Variants in DIAPH2 observed in about 807,000 individuals in gnomAD.
DIAPH2 encodes the protein protein diaphanous homolog 2.
Under a neutral mutation model 92.7 loss-of-function variants are expected in DIAPH2, and 35 were observed. The ratio of observed to expected loss-of-function variants is 0.38; its 90% confidence interval spans 0.29 to 0.50. The LOEUF (loss-of-function observed/expected upper bound fraction) is 0.50. Among genes scored for constraint, DIAPH2 ranks in the 20% least tolerant of loss-of-function variants. DIAPH2 has a pLI of 0.94. For synonymous variants in DIAPH2, 301 were observed against 280.4 expected (o/e 1.07, Z -0.73); for missense variants, 701 against 819.5 (o/e 0.86, Z 1.77).
chrX:97,586,140 A>T (rs889797466), intron 26 of DIAPH2, among the ~76,000 whole-genome samples: 5 of 111,605 alleles, frequency 4.5e-5, no homozygotes, highest in African/African-American at 1.6e-4. Flanking sequence ...CACTCTTTTC[A>T]GGCCTCTCCC....
chrX:97,242,781 TTTTA>T (rs1050133443), intron 22 of DIAPH2, among the ~76,000 whole-genome samples: 1 of 109,956 alleles, frequency 9.1e-6, no homozygotes, highest in Non-Finnish European at 1.9e-5. Context: ...TTTTATTTTA[TTTTA>T]TTTATTTATT....
At chrX:97,559,483 C>T (rs760610257) in intron 26 of DIAPH2, among the ~76,000 whole-genome samples, 6 of 99,533 alleles carry the variant, frequency 6.0e-5, no homozygotes, top group African/African-American at 1.6e-4. Flanking sequence ...AGTGAGACTC[C>T]GTCTCAAAAA....
intron 5 of DIAPH2, among the ~76,000 whole-genome samples, chrX:96,906,137 A>G (rs1011659818): frequency 1.7e-4 from 19 of 112,330 alleles, no homozygotes; most frequent in Admixed American, 1.5e-3. Flanking sequence ...AAAAAACAAA[A>G]AAAAGAGGTA....
chrX:96,752,478 T>G (rs778994397), intron 3 of DIAPH2, among the ~76,000 whole-genome samples: 20 of 112,506 alleles, frequency 1.8e-4, no homozygotes, highest in South Asian at 3.6e-4. Flanking sequence ...TTAGAAGAGA[T>G]AGATTTATCA....
intron 23 of DIAPH2, among the ~76,000 whole-genome samples, chrX:97,310,746 C>A (rs187900531): frequency 9.0e-6 from 1 of 111,377 alleles, no homozygotes; most frequent in Non-Finnish European, 1.9e-5. Context: ...GGGTGGCTCG[C>A]GACTGTAATC....
intron 22 of DIAPH2, among the ~76,000 whole-genome samples, chrX:97,183,597 A>G (rs1438927998): frequency 8.9e-6 from 1 of 112,190 alleles, no homozygotes; most frequent in Non-Finnish European, 1.9e-5. Context: ...TAAAATTTTA[A>G]TATCACATGC....
chrX:96,962,957 C>T (rs2065874033), intron 16 of DIAPH2, among the ~76,000 whole-genome samples: 1 of 110,941 alleles, frequency 9.0e-6, no homozygotes, highest in African/African-American at 3.3e-5. Context: ...CTTTCATGTG[C>T]TTTCATGATA....
chrX:97,206,214 A>G (rs1162191573), intron 22 of DIAPH2, among the ~76,000 whole-genome samples: 2 of 111,534 alleles, frequency 1.8e-5, no homozygotes, highest in African/African-American at 3.3e-5. Context: ...TGCAGGGCAT[A>G]AAACCTAGAT....
chrX:96,991,944 C>T (rs5966836), intron 17 of DIAPH2, among the ~76,000 whole-genome samples: 1,354 of 110,964 alleles, frequency 0.012, 11 homozygotes, highest in Non-Finnish European at 0.02. Context: ...TCTGAAATAT[C>T]TAGCATGCAT....
chrX:97,594,498 C>T (rs2071538224), intron 26 of DIAPH2, among the ~76,000 whole-genome samples: 1 of 112,603 alleles, frequency 8.9e-6, no homozygotes, highest in Non-Finnish European at 1.9e-5. Flanking sequence ...GCTTGGGATG[C>T]AAATAGCTAC....
At chrX:97,139,464 A>C (rs1460993755) in intron 21 of DIAPH2, among the ~76,000 whole-genome samples, 1 of 108,204 alleles carries the variant, frequency 9.2e-6, no homozygotes, top group Non-Finnish European at 1.9e-5. Context: ...TTAAAAAAAA[A>C]CAACAAATAT....
intron 17 of DIAPH2, among the ~76,000 whole-genome samples, chrX:97,069,165 A>G (rs1343254246): frequency 2.7e-5 from 3 of 110,139 alleles, no homozygotes; most frequent in Non-Finnish European, 5.7e-5. Flanking sequence ...ATTTCACCAT[A>G]TTGGCCAGGC....
intron 22 of DIAPH2, among the ~76,000 whole-genome samples, chrX:97,227,238 C>T (rs2067972370): frequency 9.0e-6 from 1 of 111,164 alleles, no homozygotes; most frequent in Admixed American, 9.6e-5. Context: ...CACGCCACTG[C>T]ACTCCAGCCT....
chrX:96,761,918 A>C (rs1295932636), intron 4 of DIAPH2, among the ~76,000 whole-genome samples: 1 of 111,591 alleles, frequency 9.0e-6, no homozygotes, highest in Non-Finnish European at 1.9e-5. Context: ...TACTGAATGA[A>C]TATTTAAGAA....
chrX:97,466,991 A>C (rs2070518308), intron 26 of DIAPH2, among the ~76,000 whole-genome samples: 1 of 112,190 alleles, frequency 8.9e-6, no homozygotes, highest in Admixed American at 9.5e-5. Context: ...TTTTCTGTGG[A>C]TTACAATATC....
At chrX:97,275,651 G>A (rs1302081278) in intron 23 of DIAPH2, among the ~76,000 whole-genome samples, 2 of 108,211 alleles carry the variant, frequency 1.8e-5, no homozygotes, top group East Asian at 3.0e-4. Flanking sequence ...GGTTGCGGCC[G>A]GACAGAGGCG....
rs762496854 is a variant in DIAPH2 at position 97,341,358 on chromosome X, A to G, written c.2845-6758A>G. On this transcript the variant is annotated intron_variant, in intron 23 of 26. Coordinates refer to ENST00000324765, the MANE Select transcript of DIAPH2 (RefSeq NM_006729.5). ...GATTCTGTCTCTTAGAAAAAAATAA[A>G]AAGACTTATTTTCTTTAAACCGTAT... 5.4e-5 allele frequency: 6 copies of G among 111,095 alleles called. No homozygotes were observed. In the East Asian group the frequency reaches 1.7e-3, roughly 31 times the overall value. The allele number at this position is 111,095 out of a possible 1,213,427, so 9.2% of individuals were successfully genotyped here. A position where few individuals can be genotyped will look rare whatever the true frequency, so the allele number is the denominator to read the frequency against.
chrX:96,812,154 C>G (rs1407777034), intron 4 of DIAPH2, among the ~76,000 whole-genome samples: 2 of 111,322 alleles, frequency 1.8e-5, no homozygotes, highest in Admixed American at 9.5e-5. Context: ...TGATCCTGGA[C>G]TTTTTTTGGT....
intron 23 of DIAPH2, among the ~76,000 whole-genome samples, chrX:97,334,747 C>T (rs908974750): frequency 1.9e-5 from 2 of 107,845 alleles, no homozygotes; most frequent in African/African-American, 6.7e-5. Flanking sequence ...CTTTGAGAGG[C>T]TGAGGCGGGT....
Sources: gnomAD v4.1 joint callset for allele counts (sites outside exome capture counted in the v4.1 genomes callset) on GRCh38, gnomAD v4.1.1 for gene constraint, MANE v1.5 for transcripts, NCBI Gene and HGNC (gene_info 2026-07-23, HGNC 2026-07-21) for gene names.